ARHGEF33: variants seen among roughly 807,000 people sequenced by gnomAD.
The protein encoded by ARHGEF33 is Rho guanine nucleotide exchange factor 33, also known as DH and coiled-coil domain-containing protein ENSP00000381780.
In ARHGEF33, 72 loss-of-function variants were observed where a neutral mutation model predicts 101.9. The ratio of observed to expected loss-of-function variants is 0.71; its 90% CI spans 0.58 to 0.86. The LOEUF is 0.86. ARHGEF33 is among the 40% of genes least tolerant of loss of function. ARHGEF33 has a pLI of 0.00. For missense variants in ARHGEF33, 1,169 were observed against 1,111.3 expected, an observed-to-expected ratio of 1.05 and a Z score of -0.74; for synonymous variants, 499 against 442.5, an observed-to-expected ratio of 1.13 and a Z score of -1.60.
At chr2:38,906,607 A>C (rs1195683644) in intron 2 of ARHGEF33, among the ~76,000 whole-genome samples, 5 of 152,088 alleles carry the variant, frequency 3.3e-5, no homozygotes, top group Admixed American at 2.0e-4. Flanking sequence ...ATTGATCAAC[A>C]AAAATGTTGA....
intron 17 of ARHGEF33, among the ~76,000 whole-genome samples, chr2:38,967,093 A>G (rs1048843639): frequency 2.0e-5 from 3 of 152,256 alleles, no homozygotes; most frequent in African/African-American, 4.8e-5. Context: ...AGAGTTGCCA[A>G]TAAGTGAGGA....
rs181090486 is a variant in ARHGEF33, at chr2:38,947,424, G to A, written c.920+3394G>A. Among the ~76,000 whole-genome samples, 58 of 152,218 alleles carry A rather than the reference G, an allele frequency of 3.8e-4. 1 individual carries two copies. Among genetic ancestry groups the A allele is most frequent in the African/African-American group, 1.3e-3 (53 of 41,554 alleles). ...TTTAGAGACAAGGTCTCTGTCTGTC[G>A]CCCAGGCTGGAGAAGGGTGCAGCGG... is the stretch of plus-strand genomic sequence containing the variant. On this transcript the variant is annotated intron_variant, in intron 10 of 17. Coordinates refer to ENST00000409978, the MANE Select transcript of ARHGEF33 (RefSeq NM_001145451.5).
At chr2:38,939,139 AT>A (rs1667234906) in intron 9 of ARHGEF33, among the ~76,000 whole-genome samples, 2 of 151,958 alleles carry the variant, frequency 1.3e-5, no homozygotes, top group South Asian at 4.2e-4. Context: ...CGTCTGGCTA[AT>A]TTTTATATTT....
chr2:38,970,540 C>A lies in ARHGEF33; in HGVS notation c.2484-3174C>A, dbSNP rs976528429. On this transcript the variant is annotated intron_variant, in intron 17 of 17. Coordinates refer to ENST00000409978, the MANE Select transcript of ARHGEF33 (RefSeq NM_001145451.5). ...TAAAGGGGATAATTGAAGGGGTAAACATTTTAGATTACTTAACCTTAATTA... is the reference window on the plus strand; with the variant it reads ...TAAAGGGGATAATTGAAGGGGTAAAAATTTTAGATTACTTAACCTTAATTA... Among the ~76,000 whole-genome samples, 5 of 152,168 alleles carry A rather than the reference C, an allele frequency of 3.3e-5. No homozygotes were observed. The East Asian group carries it at 7.7e-4, about 23-fold the overall frequency.
intron 4 of ARHGEF33, among the ~76,000 whole-genome samples, chr2:38,922,727 T>C (rs1315497369): frequency 2.0e-5 from 3 of 152,196 alleles, no homozygotes; most frequent in Non-Finnish European, 4.4e-5. Flanking sequence ...ATAATAGCTC[T>C]TACAAGGTAG....
chr2:38,921,479 A>T, intron 4 of ARHGEF33, 56 bp downstream of exon 4: 1 of 1,150,784 alleles, frequency 8.7e-7, no homozygotes, highest in Non-Finnish European at 1.3e-6. Flanking sequence ...ATGACTGACT[A>T]TTCTTTATGT....
At chr2:38,894,223 C>G in intron 1 of ARHGEF33, among the ~76,000 whole-genome samples, 1 of 151,956 alleles carries the variant, frequency 6.6e-6, no homozygotes, top group Non-Finnish European at 1.5e-5. Flanking sequence ...GTTCCAGCTA[C>G]TCAGAGGCTG....
At chr2:38,947,472 C>G (rs1026228786) in intron 10 of ARHGEF33, among the ~76,000 whole-genome samples, 15 of 152,340 alleles carry the variant, frequency 9.8e-5, no homozygotes, top group African/African-American at 3.4e-4. Context: ...TCACTGCAGC[C>G]TCAAACTTCT....
intron 10 of ARHGEF33, among the ~76,000 whole-genome samples, chr2:38,944,614 G>A (rs1317873203): frequency 6.6e-6 from 1 of 152,110 alleles, no homozygotes; most frequent in Non-Finnish European, 1.5e-5. Context: ...AATGAGTATA[G>A]TCTCCTGGGC....
intron 4 of ARHGEF33, among the ~76,000 whole-genome samples, chr2:38,923,119 A>C (rs1015611960): frequency 6.6e-6 from 1 of 152,196 alleles, no homozygotes; most frequent in African/African-American, 2.4e-5. Context: ...ATATAGCTGC[A>C]GTGGGGGTGG....
intron 2 of ARHGEF33, among the ~76,000 whole-genome samples, chr2:38,907,900 C>G (rs1666427345): frequency 6.7e-6 from 1 of 149,786 alleles, no homozygotes; most frequent in Non-Finnish European, 1.5e-5. Context: ...ACTCTGTCAT[C>G]CAGGCTGGAG....
chr2:38,917,253 G>T (rs961707557), intron 2 of ARHGEF33, among the ~76,000 whole-genome samples: 2 of 150,612 alleles, frequency 1.3e-5, no homozygotes, highest in Admixed American at 1.3e-4. Flanking sequence ...CACCATGCCT[G>T]GCTAATTTTT....
chr2:38,934,342 C>T (rs1667076939), intron 7 of ARHGEF33, among the ~76,000 whole-genome samples: 1 of 152,182 alleles, frequency 6.6e-6, no homozygotes, highest in Non-Finnish European at 1.5e-5. Context: ...CGTGTTTTAA[C>T]TTGCCTCTGC....
intron 12 of ARHGEF33, 151 bp from the exon 13 acceptor site, chr2:38,954,222 C>T: frequency 3.3e-6 from 2 of 607,790 alleles, no homozygotes; most frequent in Non-Finnish European, 5.9e-6. Context: ...GAACATGTGG[C>T]CTCTCCTATG....
chr2:38,945,668 T>C (rs1024917576), intron 10 of ARHGEF33, among the ~76,000 whole-genome samples: 7 of 152,276 alleles, frequency 4.6e-5, no homozygotes, highest in African/African-American at 1.7e-4. Flanking sequence ...CCCTTTGGTG[T>C]GGCTTTGCTT....
intron 13 of ARHGEF33, among the ~76,000 whole-genome samples, chr2:38,955,672 T>G (rs1667722589): frequency 6.7e-6 from 1 of 150,228 alleles, no homozygotes; most frequent in Admixed American, 6.6e-5. Flanking sequence ...GCTTATTTAT[T>G]TATTTATTTA....
chr2:38,899,027 A>G (rs567737623), intron 2 of ARHGEF33, among the ~76,000 whole-genome samples: 1 of 150,510 alleles, frequency 6.6e-6, no homozygotes, highest in African/African-American at 2.4e-5. Context: ...TAACTCATTA[A>G]TTTTTTTTTT....
chr2:38,900,379 T>C (rs1054714225), intron 2 of ARHGEF33, among the ~76,000 whole-genome samples: 13 of 152,080 alleles, frequency 8.5e-5, no homozygotes, highest in Non-Finnish European at 1.6e-4. Context: ...AGTATTTCAT[T>C]AGATAAAGAA....
intron 2 of ARHGEF33, among the ~76,000 whole-genome samples, chr2:38,919,105 A>T (rs1666700503): frequency 6.6e-6 from 1 of 152,172 alleles, no homozygotes; most frequent in Admixed American, 6.5e-5. Context: ...AAACCAATAG[A>T]TCTTAATTAA....
Sources: allele counts gnomAD v4.1 joint callset (sites outside exome capture counted in the v4.1 genomes callset), GRCh38; gene constraint gnomAD v4.1.1; transcripts MANE v1.5; gene names NCBI Gene and HGNC (gene_info 2026-07-23, HGNC 2026-07-21).